Variants in RSU1 observed in about 807,000 individuals in gnomAD.
The protein encoded by RSU1 is rsu-1.
In RSU1, 26 loss-of-function variants were observed where a neutral mutation model predicts 31.1. The ratio of observed to expected loss-of-function variants is 0.84; its 90% CI spans 0.61 to 1.16. The LOEUF is 1.16. Among genes scored for constraint, RSU1 ranks in the 50% most tolerant of loss-of-function variants. The probability of loss-of-function intolerance (pLI) is 0.00; values close to 1 mark genes in which losing one functional copy is unlikely to be tolerated. For missense variants in RSU1, 320 were observed against 339.1 expected (o/e 0.94, Z 0.44); for synonymous variants, 164 against 136.3 (o/e 1.20, Z -1.41).
intron 8 of RSU1, among the ~76,000 whole-genome samples, chr10:16,605,331 AGAAG>A (rs1165516579): frequency 1.3e-5 from 2 of 152,136 alleles, no homozygotes; most frequent in African/African-American, 4.8e-5. Context: ...CTCCCCTGAT[AGAAG>A]GTTCATTCCT....
intron 8 of RSU1, among the ~76,000 whole-genome samples, chr10:16,619,184 G>C (rs1176244040): frequency 2.0e-5 from 3 of 152,312 alleles, no homozygotes; most frequent in East Asian, 3.9e-4. Flanking sequence ...ATGGAAGCCT[G>C]CTTCAGAAAA....
intron 8 of RSU1, among the ~76,000 whole-genome samples, chr10:16,625,351 C>G (rs1283697410): frequency 6.6e-6 from 1 of 152,178 alleles, no homozygotes; most frequent in Non-Finnish European, 1.5e-5. Flanking sequence ...CGGAGGCTCA[C>G]CTATCCCTGC....
intron 3 of RSU1, among the ~76,000 whole-genome samples, chr10:16,775,113 G>C (rs936529376): frequency 6.6e-6 from 1 of 152,202 alleles, no homozygotes; most frequent in African/African-American, 2.4e-5. Flanking sequence ...GCACCTCTTA[G>C]TGTATCTCCT....
chr10:16,670,621 A>G (rs1292928029), intron 8 of RSU1, among the ~76,000 whole-genome samples: 3 of 152,144 alleles, frequency 2.0e-5, no homozygotes, highest in Non-Finnish European at 2.9e-5. Context: ...GACATTCTCA[A>G]TTAGATATCT....
At chr10:16,770,788 C>T (rs1354902992) in intron 3 of RSU1, among the ~76,000 whole-genome samples, 22 of 152,204 alleles carry the variant, frequency 1.4e-4, no homozygotes, top group Non-Finnish European at 7.3e-5. Context: ...CGCGGCATGT[C>T]CGCCCTTGTG....
intron 8 of RSU1, among the ~76,000 whole-genome samples, chr10:16,611,876 G>A (rs1484429416): frequency 6.6e-6 from 1 of 152,220 alleles, no homozygotes; most frequent in Non-Finnish European, 1.5e-5. Flanking sequence ...GCACCTGTGT[G>A]AAAGTTATAA....
intron 3 of RSU1, among the ~76,000 whole-genome samples, chr10:16,775,519 G>C (rs1237386681): frequency 6.6e-6 from 1 of 152,150 alleles, no homozygotes; most frequent in Non-Finnish European, 1.5e-5. Context: ...AAAAGGAATG[G>C]GGGTGGGGGG....
chr10:16,771,364 A>C (rs973881944), intron 3 of RSU1, among the ~76,000 whole-genome samples: 37 of 152,226 alleles, frequency 2.4e-4, no homozygotes, highest in African/African-American at 7.7e-4. Context: ...AGCAGAAACT[A>C]GATGAAATAT....
At chr10:16,730,424 G>A (rs569230731) in intron 7 of RSU1, among the ~76,000 whole-genome samples, 2 of 152,272 alleles carry the variant, frequency 1.3e-5, no homozygotes, top group African/African-American at 2.4e-5. Context: ...CAGAAGGCGT[G>A]AGAAGCCACC....
intron 2 of RSU1, among the ~76,000 whole-genome samples, chr10:16,807,505 G>C (rs1179937347): frequency 6.6e-6 from 1 of 151,980 alleles, no homozygotes; most frequent in African/African-American, 2.4e-5. Context: ...ATTAACATAC[G>C]GTATACAAAG....
intron 7 of RSU1, among the ~76,000 whole-genome samples, chr10:16,750,544 T>C (rs1429011639): frequency 2.0e-5 from 3 of 152,234 alleles, no homozygotes; most frequent in Non-Finnish European, 4.4e-5. Flanking sequence ...TAGGTTCAAC[T>C]AGACATTTTT....
At chr10:16,772,121 T>C (rs1481168794) in intron 3 of RSU1, among the ~76,000 whole-genome samples, 1 of 152,056 alleles carries the variant, frequency 6.6e-6, no homozygotes, top group Non-Finnish European at 1.5e-5. Flanking sequence ...CGCAAAACAA[T>C]GGCCCTACTC....
intron 7 of RSU1, among the ~76,000 whole-genome samples, chr10:16,751,609 C>T (rs1206977009): frequency 2.0e-5 from 3 of 152,196 alleles, no homozygotes; most frequent in African/African-American, 7.2e-5. Context: ...ACCTACTGTA[C>T]CCGAGGGAAC....
chr10:16,740,660 C>T (rs573644825), intron 7 of RSU1, among the ~76,000 whole-genome samples: 41 of 152,226 alleles, frequency 2.7e-4, no homozygotes, highest in African/African-American at 9.6e-4. Context: ...ACTGTCTTCC[C>T]ACATACTAGC....
intron 4 of RSU1, among the ~76,000 whole-genome samples, chr10:16,762,333 T>C (rs1471904204): frequency 6.6e-6 from 1 of 151,334 alleles, no homozygotes; most frequent in Non-Finnish European, 1.5e-5. Flanking sequence ...TGTGTACATA[T>C]ATTTCATTTA....
At chr10:16,718,017 T>C (rs1453933526) in intron 7 of RSU1, among the ~76,000 whole-genome samples, 1 of 149,210 alleles carries the variant, frequency 6.7e-6, no homozygotes, top group Non-Finnish European at 1.5e-5. Context: ...AGTACTATGA[T>C]ACTCTACTCA....
chr10:16,797,017 C>A (rs2131666899), intron 2 of RSU1, among the ~76,000 whole-genome samples: 1 of 152,274 alleles, frequency 6.6e-6, no homozygotes, highest in Middle Eastern at 3.4e-3. Flanking sequence ...CACCAGAAAG[C>A]CCAGAAGACC....
At chr10:16,647,218 C>T (rs535104583) in intron 8 of RSU1, among the ~76,000 whole-genome samples, 8 of 152,256 alleles carry the variant, frequency 5.3e-5, no homozygotes, top group East Asian at 3.9e-4. Flanking sequence ...GTGATCTACA[C>T]GCCTCGGCCT....
At chr10:16,675,214 A>AG (rs201778182) in intron 8 of RSU1, among the ~76,000 whole-genome samples, 4,894 of 151,016 alleles carry the variant, frequency 0.032, 283 homozygotes, top group African/African-American at 0.11. Context: ...AAAAAAAAAA[A>AG]AAAGAAAGAA....
Sources: allele counts gnomAD v4.1 joint callset (sites outside exome capture counted in the v4.1 genomes callset), GRCh38; gene constraint gnomAD v4.1.1; transcripts MANE v1.5; gene names NCBI Gene and HGNC (gene_info 2026-07-23, HGNC 2026-07-21).